The following CST9L variants were observed in gnomAD, a reference collection of about 807,000 sequenced individuals.
The protein encoded by CST9L is cystatin 9 like.
In CST9L, 17 loss-of-function variants were observed where a neutral mutation model predicts 13.2. That is an observed-to-expected ratio of 1.29 (90% confidence interval 0.88 to 1.93). The LOEUF (loss-of-function observed/expected upper bound fraction) is 1.93, where lower values mean the gene tolerates loss of function less well. Ranked by LOEUF, CST9L falls within the 30% of genes most tolerant of loss-of-function variation. The pLI is 0.00. For missense variants in CST9L, 170 were observed against 170.5 expected, an observed-to-expected ratio of 1.00 and a Z score of 0.02; for synonymous variants, 78 against 69.1, an observed-to-expected ratio of 1.13 and a Z score of -0.64.
chr20:23,565,117 C>T lies in CST9L; in HGVS notation c.355-80G>A, dbSNP rs1030477268. ...TGGCTCAAGCTCTGAACAATGGCTT[C>T]CTCTCCACATTGCCCTTTCCCAGGT... On this transcript the variant is annotated intron_variant, in intron 2 of 2. Transcript: ENST00000376979. The T allele has an allele frequency of 1.3e-5, 13 of 982,426 alleles. No individual in the cohort carries two copies. In the African/African-American group the frequency reaches 1.9e-4, roughly 14 times the overall value. 60.9% of individuals were successfully genotyped at this position (982,426 alleles called of 1,614,324 possible).
intron 2 of CST9L, among the ~76,000 whole-genome samples, chr20:23,565,754 A>G (rs1989083543): frequency 6.6e-6 from 1 of 152,170 alleles, no homozygotes; most frequent in African/African-American, 2.4e-5. Flanking sequence ...GTGGCATGAC[A>G]GGGCAGAGTT....
In CST9L at chr20:23,568,466, C is replaced by T. The variant is rs763594845; in HGVS notation, c.-16G>A. The T allele has an allele frequency of 1.2e-6, 2 of 1,611,408 alleles. No individual in the cohort carries two copies. Among genetic ancestry groups the T allele is most frequent in the African/African-American group, 2.7e-5 (2 of 74,884 alleles). On this transcript the variant is annotated 5_prime_UTR_variant, in exon 1 of 3. Transcript: ENST00000376979. ...GGCCCAGCATGGTGCTGACTGTAGG[C>T]ACCGCTGACTTTGCTCTTCCCAGCC...
chr20:23,565,634 C>T lies in CST9L; in HGVS notation c.354+340G>A, dbSNP rs143857220. Among the ~76,000 whole-genome samples the T allele has an allele frequency of 2.6e-3, 400 of 152,252 alleles. 3 individuals carry two copies. Among genetic ancestry groups the T allele is most frequent in the African/African-American group, 9.2e-3 (382 of 41,546 alleles). On this transcript the variant is annotated intron_variant, in intron 2 of 2. Transcript: ENST00000376979. ...TCAGATCCCAGGTTCTTCCAGAAGG[C>T]AGGGGAGGAAGACCAGAGAGGGGAC...
At chr20:23,565,935 A>G in intron 2 of CST9L, 39 bp downstream of exon 2, 2 of 1,119,764 alleles carry the variant, frequency 1.8e-6, no homozygotes, top group Non-Finnish European at 2.7e-6. Flanking sequence ...TGTGGCATCC[A>G]CAGCTGTATC....
rs371284976 is a variant in CST9L at position 23,568,196 on chromosome 20, T to C, written c.240+15A>G. On this transcript the variant is annotated intron_variant, in intron 1 of 2. Coordinates refer to ENST00000376979, the MANE Select transcript of CST9L (RefSeq NM_080610.3). Reference sequence around the variant, plus strand: ...CATGCCAGATGCCAGGGCAGGAGGGTACGTGGTCACCAACCTGCTCCTTCC... The same window carrying C: ...CATGCCAGATGCCAGGGCAGGAGGGCACGTGGTCACCAACCTGCTCCTTCC... 1.7e-5 allele frequency: 28 copies of C among 1,613,962 alleles called. No individual in the cohort carries two copies. The African/African-American group carries it at 3.5e-4, about 20-fold the overall frequency.
At chr20:23,565,135 TC>T in intron 2 of CST9L, 98 bp from the exon 3 acceptor site, 1 of 871,608 alleles carries the variant, frequency 1.1e-6, no homozygotes, top group Non-Finnish European at 1.9e-6. Context: ...CATTGCCCTT[TC>T]CCAGGTCAAG....
chr20:23,565,415 G>C (rs1989078476), intron 2 of CST9L, among the ~76,000 whole-genome samples: 1 of 152,182 alleles, frequency 6.6e-6, no homozygotes, highest in Non-Finnish European at 1.5e-5. Context: ...ATTACAATAA[G>C]GGTGTTGATT....
intron 2 of CST9L, among the ~76,000 whole-genome samples, chr20:23,565,476 C>T (rs1440640297): frequency 6.6e-6 from 1 of 152,160 alleles, no homozygotes; most frequent in African/African-American, 2.4e-5. Context: ...AGCTTGTCCC[C>T]TAGAGCAGGT....
At chr20:23,566,766 C>T (rs1989102270) in intron 1 of CST9L, among the ~76,000 whole-genome samples, 2 of 152,074 alleles carry the variant, frequency 1.3e-5, no homozygotes, top group African/African-American at 2.4e-5. Context: ...TGCTTGTAAT[C>T]CCAGCTACTC....
intron 1 of CST9L, among the ~76,000 whole-genome samples, 185 bp from the exon 2 acceptor site, chr20:23,566,272 T>C (rs964265904): frequency 3.9e-4 from 60 of 152,180 alleles, no homozygotes; most frequent in African/African-American, 1.4e-3. Context: ...CGGATGGGCA[T>C]GGTGGCCCCA....
At position 23,568,354 on chromosome 20, in the gene CST9L, C is replaced by A. The variant is rs543555766; in HGVS notation, c.97G>T (p.Glu33Ter). 3 of 1,614,178 alleles carry A rather than the reference C, an allele frequency of 1.9e-6. No individual in the cohort carries two copies. The highest frequency in any genetic ancestry group is 2.5e-6 in the Non-Finnish European group (3 of 1,180,044). The stretch of plus-strand genomic sequence containing the variant: ...TTGTGTTCATCACAGTCCCTTTGCT[C>A]GTGGAAATGCCAGGCATAGATCAGC... ...ILLIYAWHFH[E>*]QRDCDEHNVM... The change falls in exon 1 of 3, where the codon GAG becomes TAG. Residue 33 changes from glutamate to a stop codon, truncating the protein, a stop_gained. Transcript: ENST00000376979. LOFTEE classifies it high-confidence loss of function.
rs116309757 is a variant in CST9L at position 23,567,763 on chromosome 20, G to A, written c.240+448C>T. Among the ~76,000 whole-genome samples, 287 of 152,184 alleles carry A rather than the reference G, an allele frequency of 1.9e-3. 1 individual carries two copies. The highest frequency in any genetic ancestry group is 6.6e-3 in the African/African-American group (273 of 41,528). ...ACCACCCAGAGGTCTTTTGGGACTG[G>A]TGGGGGTTTCTTATTGCTCCTGAAC... On this transcript the variant is annotated intron_variant, in intron 1 of 2. Transcript: ENST00000376979.
chr20:23,565,090 C>T, intron 2 of CST9L, 53 bp from the exon 3 acceptor site: 3 of 1,293,674 alleles, frequency 2.3e-6, no homozygotes, highest in Admixed American at 3.4e-5. Context: ...TCAGGAAGCT[C>T]ATGGCTCAAG....
In CST9L at chr20:23,564,990, C is replaced by T. The variant is rs1209586181; in HGVS notation, c.402G>A (p.Gln134=). ...FTISTRPWMT[Q]FSLLNKTCLE... ...AGCAGGTCTTGTTCAGGAGGCTGAA[C>T]TGAGTCATCCAGGGCCTGGTGCTGA... is the stretch of plus-strand genomic sequence containing the variant. The change falls in exon 3 of 3, where the codon CAG becomes CAA. Residue 134 remains glutamine, a synonymous_variant. Coordinates refer to ENST00000376979, the MANE Select transcript of CST9L (RefSeq NM_080610.3). 1 of 1,614,074 alleles carries T rather than the reference C, an allele frequency of 6.2e-7. No homozygotes were observed. Among genetic ancestry groups the T allele is most frequent in the Admixed American group, 1.7e-5 (1 of 60,014 alleles).
At position 23,568,405 on chromosome 20, in the gene CST9L, G is replaced by A; in HGVS notation, c.46C>T (p.Leu16=). The A allele has an allele frequency of 1.9e-6, 3 of 1,614,158 alleles. No homozygotes were observed. The South Asian group carries it at 3.3e-5, about 18-fold the overall frequency. Residue 16 remains leucine (L), a synonymous_variant, in exon 1 of 3, where the codon CTG becomes TTG. Transcript: ENST00000376979. ...AGGATCTGGGAGCCTAAGAGAAGCAGCAGCAGCGCCCAGGACAGACCTCCC... is the reference window on the plus strand; with the variant it reads ...AGGATCTGGGAGCCTAAGAGAAGCAACAGCAGCGCCCAGGACAGACCTCCC... The part of the protein sequence containing the change: ...WKGGLSWALL[L]LLLGSQILLI...
Position 23,568,235 on chromosome 20 carries a change from G to A in CST9L, c.216C>T (p.His72=). The change falls in exon 1 of 3, where the codon CAC becomes CAT. Residue 72 remains histidine, a synonymous_variant. Transcript: ENST00000376979. ...CCTGCTCCTTCCAGGAATTCAAGAT[G>A]TGCCCCAGTCTGTAGGCATAGTAGT... ...SKDYYAYRLG[H]ILNSWKEQVE... is the part of the protein sequence containing the mutation. The A allele has an allele frequency of 6.2e-7, 1 of 1,614,158 alleles. No homozygotes were observed. The highest frequency in any genetic ancestry group is 8.5e-7 in the Non-Finnish European group (1 of 1,180,000).
chr20:23,568,120 T>G, intron 1 of CST9L, 91 bp downstream of exon 1: 4 of 1,374,820 alleles, frequency 2.9e-6, no homozygotes, highest in Non-Finnish European at 4.1e-6. Flanking sequence ...AACAAGACTC[T>G]TCAATAAGAC....
intron 1 of CST9L, among the ~76,000 whole-genome samples, chr20:23,566,335 C>G (rs1229119261): frequency 6.6e-6 from 1 of 152,168 alleles, no homozygotes; most frequent in African/African-American, 2.4e-5. Context: ...CCCACTCTCC[C>G]ATGGTGAGAC....
At chr20:23,567,507 C>CAAA (rs11470332) in intron 1 of CST9L, among the ~76,000 whole-genome samples, 15 of 110,530 alleles carry the variant, frequency 1.4e-4, no homozygotes, top group Admixed American at 1.9e-4. Flanking sequence ...GATTCCATCT[C>CAAA]AAAAAAAAAA....
Sources: gnomAD v4.1 joint callset for allele counts (sites outside exome capture counted in the v4.1 genomes callset) on GRCh38, gnomAD v4.1.1 for gene constraint, MANE v1.5 for transcripts, NCBI Gene and HGNC (gene_info 2026-07-23, HGNC 2026-07-21) for gene names.